Variants in AHRR observed in about 807,000 individuals in gnomAD.
The protein encoded by AHRR is aryl hydrocarbon receptor repressor.
AHRR carries 28 observed loss-of-function variants against 44.0 expected under a neutral mutation model. That is an observed-to-expected ratio of 0.64 (90% confidence interval 0.47 to 0.87). The LOEUF (loss-of-function observed/expected upper bound fraction) is 0.87. AHRR is among the 40% of genes least tolerant of loss of function. The pLI is 0.00. For synonymous variants in AHRR, 434 were observed against 407.0 expected (o/e 1.07, Z -0.80); for missense variants, 990 against 953.9 (o/e 1.04, Z -0.50).
intron 3 of AHRR, among the ~76,000 whole-genome samples, chr5:373,527 G>T (rs1302924220): frequency 6.6e-6 from 1 of 152,206 alleles, no homozygotes; most frequent in South Asian, 2.1e-4. Flanking sequence ...CAATGCCCAG[G>T]AAGGACACCG....
In AHRR at chr5:437,541, G is replaced by C. The variant is rs537468270; in HGVS notation, c.*2707G>C. ...AGCCAGGCCCTTCAGTGTCATCAAA[G>C]GAGCACTGGGGCCTCCTTAAGCACA... is the stretch of plus-strand genomic sequence containing the variant. On this transcript the variant is annotated 3_prime_UTR_variant, in exon 11 of 11. Transcript: ENST00000684583. 1 of 152,474 alleles carries C rather than the reference G, an allele frequency of 6.6e-6. No individual in the cohort carries two copies. Among genetic ancestry groups the C allele is most frequent in the East Asian group, 1.9e-4 (1 of 5,270 alleles). The allele number at this position is 152,474 out of a possible 1,614,324, so 9.4% of individuals were successfully genotyped here.
At chr5:327,584 A>G (rs987695126) in intron 1 of AHRR, among the ~76,000 whole-genome samples, 1 of 152,224 alleles carries the variant, frequency 6.6e-6, no homozygotes, top group African/African-American at 2.4e-5. Context: ...ATAATATTCA[A>G]TTGTGTATAT....
intron 3 of AHRR, among the ~76,000 whole-genome samples, chr5:365,928 G>A (rs1470592378): frequency 1.3e-5 from 2 of 152,068 alleles, no homozygotes; most frequent in Admixed American, 1.3e-4. Context: ...AAATAGTAAA[G>A]AAAAAAATAA....
chr5:375,755 C>T (rs1310526592), intron 3 of AHRR, among the ~76,000 whole-genome samples: 1 of 152,184 alleles, frequency 6.6e-6, no homozygotes, highest in African/African-American at 2.4e-5. Context: ...CCCCTCAGTC[C>T]TCTCAGAAGC....
At position 351,495 on chromosome 5, in the gene AHRR, C is replaced by T. The variant is rs563954314; in HGVS notation, c.63-2235C>T. Among the ~76,000 whole-genome samples, 17 of 152,296 alleles carry T rather than the reference C, an allele frequency of 1.1e-4. No individual in the cohort carries two copies. The East Asian group carries it at 2.1e-3, about 19-fold the overall frequency. On this transcript the variant is annotated intron_variant, in intron 2 of 10. Coordinates refer to ENST00000684583, the MANE Select transcript of AHRR (RefSeq NM_001377236.1). ...AAACACGAGGCTGTGAGAAAGAAGCCGGCCACAGAAGGCCACGTCTTGATT... is the reference window on the plus strand; with the variant it reads ...AAACACGAGGCTGTGAGAAAGAAGCTGGCCACAGAAGGCCACGTCTTGATT...
Position 406,089 on chromosome 5 carries a change from GA to G in AHRR, c.352-7246del, listed in dbSNP as rs886492935. Among the ~76,000 whole-genome samples the G allele has an allele frequency of 6.6e-6, 1 of 151,440 alleles. No individual in the cohort carries two copies. Among genetic ancestry groups the G allele is most frequent in the Non-Finnish European group, 1.5e-5 (1 of 67,812 alleles). ...AAATTCTGCAACAAAATTAACTGGG[GA>G]AAAAAAAACTAGGGAGAAAACGGGA... On this transcript the variant is annotated intron_variant, in intron 4 of 10. Coordinates refer to ENST00000684583, the MANE Select transcript of AHRR (RefSeq NM_001377236.1). The surrounding 1 kb of genome is among the most constrained non-coding windows in gnomAD (Gnocchi z 4.7).
Position 323,801 on chromosome 5 carries a change from G to A in AHRR, c.-11+1982G>A, listed in dbSNP as rs1001202749. Among the ~76,000 whole-genome samples, 11 of 152,162 alleles carry A rather than the reference G, an allele frequency of 7.2e-5. 1 individual carries two copies. Among genetic ancestry groups the A allele is most frequent in the Non-Finnish European group, 1.2e-4 (8 of 68,042 alleles). ...TAATACGACACAGAAGCGGGAAAGCGCCATGTGGTCTGGGGTGATCAGGCA... is the reference window on the plus strand; with the variant it reads ...TAATACGACACAGAAGCGGGAAAGCACCATGTGGTCTGGGGTGATCAGGCA... On this transcript the variant is annotated intron_variant, in intron 1 of 10. Coordinates refer to ENST00000684583, the MANE Select transcript of AHRR (RefSeq NM_001377236.1).
intron 2 of AHRR, among the ~76,000 whole-genome samples, chr5:351,801 C>T (rs534158180): frequency 3.3e-5 from 5 of 152,344 alleles, no homozygotes; most frequent in South Asian, 2.1e-4. Context: ...GACTGGTTTA[C>T]GGCCTAGGTT....
At chr5:328,503 G>T (rs534311207) in intron 1 of AHRR, among the ~76,000 whole-genome samples, 2 of 151,728 alleles carry the variant, frequency 1.3e-5, no homozygotes, top group African/African-American at 4.8e-5. Flanking sequence ...CACCCACCTC[G>T]GCCTCCCAAA....
chr5:368,736 G>A (rs1743462285), intron 3 of AHRR, among the ~76,000 whole-genome samples: 1 of 152,236 alleles, frequency 6.6e-6, no homozygotes, highest in East Asian at 1.9e-4. Flanking sequence ...CCCGGGTTCT[G>A]TGATCTCAGA....
At chr5:340,192 T>C (rs1402566831) in intron 1 of AHRR, among the ~76,000 whole-genome samples, 2 of 152,210 alleles carry the variant, frequency 1.3e-5, no homozygotes, top group African/African-American at 4.8e-5. Flanking sequence ...GGAATAGATA[T>C]AGAGCTATCC....
intron 4 of AHRR, among the ~76,000 whole-genome samples, chr5:408,631 T>G (rs1024637294): frequency 6.6e-6 from 1 of 152,256 alleles, no homozygotes; most frequent in African/African-American, 2.4e-5. Context: ...AAAGCTGATA[T>G]TGGTGTGTCA....
At chr5:408,452 T>C (rs1464805512) in intron 4 of AHRR, among the ~76,000 whole-genome samples, 3 of 152,196 alleles carry the variant, frequency 2.0e-5, no homozygotes, top group African/African-American at 7.2e-5. Context: ...GATAATCATT[T>C]TCCCCCTCAG....
intron 2 of AHRR, among the ~76,000 whole-genome samples, chr5:350,790 AAG>A (rs1377452813): frequency 6.6e-6 from 1 of 151,500 alleles, no homozygotes; most frequent in East Asian, 1.9e-4. Context: ...AAAAAAAAAA[AAG>A]AAGTGGAAAG....
rs1736944029 is a variant in AHRR at position 434,984 on chromosome 5, A to G, written c.*150A>G. On this transcript the variant is annotated 3_prime_UTR_variant, in exon 11 of 11. Coordinates refer to ENST00000684583, the MANE Select transcript of AHRR (RefSeq NM_001377236.1). ...GCGCAGTCTGCTAGTGTGTGTGTGC[A>G]GCATACGCAGGAGCCTATCCTGAAT... The G allele has an allele frequency of 4.4e-6, 5 of 1,145,990 alleles. No homozygotes were observed. The highest frequency in any genetic ancestry group is 6.0e-6 in the Non-Finnish European group (5 of 837,100). 71.0% of individuals were successfully genotyped at this position (1,145,990 alleles called of 1,614,324 possible).
Position 404,493 on chromosome 5 carries a change from A to G in AHRR, c.352-8851A>G, listed in dbSNP as rs975936916. 6.5e-6 allele frequency: 3 copies of G among 461,974 alleles called. No individual in the cohort carries two copies. The highest frequency in any genetic ancestry group is 1.7e-5 in the South Asian group (1 of 57,648). 28.6% of individuals were successfully genotyped at this position (461,974 alleles called of 1,614,324 possible). ...GTTCACCAAAACATCTAACGCAACTATTTTCAGACTTTACGGTTTGTAGTG... is the reference window on the plus strand; with the variant it reads ...GTTCACCAAAACATCTAACGCAACTGTTTTCAGACTTTACGGTTTGTAGTG... On this transcript the variant is annotated intron_variant, in intron 4 of 10. Transcript: ENST00000684583. This position sits in a 1 kb window ranked among gnomAD's most constrained non-coding sequence, Gnocchi z 4.1.
At chr5:415,760 C>T (rs116599494) in intron 5 of AHRR, among the ~76,000 whole-genome samples, 136 of 151,932 alleles carry the variant, frequency 9.0e-4, no homozygotes, top group African/African-American at 3.1e-3. Context: ...GTGGAAGCCA[C>T]GAACCACCCC....
Position 326,219 on chromosome 5 carries a change from G to A in AHRR, c.-11+4400G>A, listed in dbSNP as rs969796708. Among the ~76,000 whole-genome samples, 21 of 152,078 alleles carry A rather than the reference G, an allele frequency of 1.4e-4. No individual in the cohort carries two copies. Among genetic ancestry groups the A allele is most frequent in the East Asian group, 1.3e-3 (7 of 5,192 alleles). ...TCTCTAGCTCCAAAACCTCTTCATC[G>A]CCTCCGGCAGTGCTCACCCACCAGG... On this transcript the variant is annotated intron_variant, in intron 1 of 10. Coordinates refer to ENST00000684583, the MANE Select transcript of AHRR (RefSeq NM_001377236.1). This position sits in a 1 kb window ranked among gnomAD's most constrained non-coding sequence, Gnocchi z 4.1.
In AHRR at chr5:370,297, C is replaced by T. The variant is rs1743529545; in HGVS notation, c.245-6313C>T. Among the ~76,000 whole-genome samples the T allele has an allele frequency of 1.3e-5, 2 of 152,232 alleles. No individual in the cohort carries two copies. Among genetic ancestry groups the T allele is most frequent in the Non-Finnish European group, 2.9e-5 (2 of 68,046 alleles). ...CGCTGGAAGCTCTGCTCATTTACTCCCCGTGTTACGGTTGTGCAGCATTTC... is the reference window on the plus strand; with the variant it reads ...CGCTGGAAGCTCTGCTCATTTACTCTCCGTGTTACGGTTGTGCAGCATTTC... On this transcript the variant is annotated intron_variant, in intron 3 of 10. Coordinates refer to ENST00000684583, the MANE Select transcript of AHRR (RefSeq NM_001377236.1). The surrounding 1 kb of genome is among the most constrained non-coding windows in gnomAD (Gnocchi z 4.5).
Sources: allele counts gnomAD v4.1 joint callset (sites outside exome capture counted in the v4.1 genomes callset), GRCh38; gene constraint gnomAD v4.1.1; non-coding constraint Gnocchi (gnomAD v3.1); transcripts MANE v1.5; gene names NCBI Gene and HGNC (gene_info 2026-07-23, HGNC 2026-07-21).